The following LCMT1 variants were observed in gnomAD, a reference collection of about 807,000 sequenced individuals.
LCMT1 encodes leucine carboxyl methyltransferase 1, also known as [Phosphatase 2A protein]-leucine-carboxy methyltransferase 1.
A neutral mutation model predicts 47.7 loss-of-function variants in LCMT1; 32 were observed. That is an observed-to-expected ratio of 0.67 (90% confidence interval 0.51 to 0.90). The LOEUF is 0.90. LCMT1 is among the 40% of genes least tolerant of loss of function. The pLI, the probability that LCMT1 is intolerant of heterozygous loss-of-function variation, is 0.00. For missense variants in LCMT1, 375 were observed against 415.2 expected, an observed-to-expected ratio of 0.90 and a Z score of 0.84; for synonymous variants, 152 against 149.7, an observed-to-expected ratio of 1.02 and a Z score of -0.11.
At chr16:25,116,403 T>A (rs1463556306) in intron 1 of LCMT1, among the ~76,000 whole-genome samples, 1 of 152,216 alleles carries the variant, frequency 6.6e-6, no homozygotes, top group Non-Finnish European at 1.5e-5. Flanking sequence ...GACAAAATGA[T>A]GAGGTGGTCT....
chr16:25,111,907 C>T lies in LCMT1; in HGVS notation c.24C>T (p.Ser8=). MATRQRE[S]SITSCCSTSS... ...CCATGGCCACTAGGCAGAGGGAATC[C>T]TCTATCACCTCCTGCTGTTCCACCT... Residue 8 remains serine (S), a synonymous_variant, in exon 1 of 11, where the codon TCC becomes TCT. Coordinates refer to ENST00000399069, the MANE Select transcript of LCMT1 (RefSeq NM_016309.3). 1 of 1,613,110 alleles carries T rather than the reference C, an allele frequency of 6.2e-7. No individual in the cohort carries two copies. The highest frequency in any genetic ancestry group is 8.5e-7 in the Non-Finnish European group (1 of 1,179,434).
intron 4 of LCMT1, among the ~76,000 whole-genome samples, chr16:25,150,656 GT>G (rs1459923461): frequency 6.6e-6 from 1 of 151,910 alleles, no homozygotes; most frequent in Non-Finnish European, 1.5e-5. Context: ...CATCTTAATA[GT>G]TTTAACTACA....
At chr16:25,117,771 G>C (rs1251804669) in intron 1 of LCMT1, among the ~76,000 whole-genome samples, 1 of 151,690 alleles carries the variant, frequency 6.6e-6, no homozygotes, top group Non-Finnish European at 1.5e-5. Context: ...AGAATCGCTT[G>C]AACTGGGGAA....
intron 10 of LCMT1, among the ~76,000 whole-genome samples, chr16:25,175,977 A>T (rs1279270089): frequency 1.3e-5 from 2 of 152,174 alleles, no homozygotes; most frequent in Non-Finnish European, 2.9e-5. Flanking sequence ...AATCTCTAGA[A>T]AAGTAACCGG....
At position 25,116,717 on chromosome 16, in the gene LCMT1, C is replaced by CAAAA. The variant is rs61022139; in HGVS notation, c.113+4736_113+4739dup. On this transcript the variant is annotated intron_variant, in intron 1 of 10. Coordinates refer to ENST00000399069, the MANE Select transcript of LCMT1 (RefSeq NM_016309.3). ...GCAACATGGAGAAACCTCCTCTCCA[C>CAAAA]AAAAAAAAAAAAAAAAAATACAAAA... Among the ~76,000 whole-genome samples, 398 of 63,498 alleles carry CAAAA rather than the reference C, an allele frequency of 6.3e-3. 2 individuals are homozygous for CAAAA. Among genetic ancestry groups the CAAAA allele is most frequent in the African/African-American group, 0.02 (379 of 19,056 alleles). 41.7% of individuals were successfully genotyped at this position (63,498 alleles called of 152,430 possible).
At chr16:25,163,243 C>T (rs992839784) in intron 6 of LCMT1, among the ~76,000 whole-genome samples, 2 of 152,076 alleles carry the variant, frequency 1.3e-5, no homozygotes, top group Non-Finnish European at 2.9e-5. Context: ...CCAAGATGGG[C>T]GGATCACGAG....
At chr16:25,151,727 T>TGTGGTGG (rs1452882723) in intron 5 of LCMT1, 112 bp downstream of exon 5, 2 of 154,636 alleles carry the variant, frequency 1.3e-5, no homozygotes, top group African/African-American at 5.2e-5. Context: ...GTGTGTGGTG[T>TGTGGTGG]TATACAATGT....
At position 25,132,542 on chromosome 16, in the gene LCMT1, C is replaced by T. The variant is rs755127590; in HGVS notation, c.327+19C>T. Reference sequence around the variant, plus strand: ...ATTAAAGGTATGTTCAAATTCCCCTCCTCCCTCCCCAAGTGTTTAGATTTT... The same window carrying T: ...ATTAAAGGTATGTTCAAATTCCCCTTCTCCCTCCCCAAGTGTTTAGATTTT... On this transcript the variant is annotated intron_variant, in intron 3 of 10. Transcript: ENST00000399069. The T allele has an allele frequency of 3.7e-6, 6 of 1,611,324 alleles. No homozygotes were observed. Among genetic ancestry groups the T allele is most frequent in the South Asian group, 1.1e-5 (1 of 90,580 alleles).
intron 6 of LCMT1, among the ~76,000 whole-genome samples, chr16:25,161,946 C>G (rs1196628136): frequency 6.6e-6 from 1 of 152,042 alleles, no homozygotes; most frequent in Non-Finnish European, 1.5e-5. Flanking sequence ...TTTACTGTCA[C>G]CAAGTTGGCA....
chr16:25,154,402 G>A (rs570914512), intron 5 of LCMT1, among the ~76,000 whole-genome samples: 7 of 150,558 alleles, frequency 4.6e-5, no homozygotes, highest in Non-Finnish European at 1.0e-4. Context: ...GGGACCTCTT[G>A]TAAATTTTTT....
chr16:25,120,959 C>T (rs1209230817), intron 1 of LCMT1, among the ~76,000 whole-genome samples: 6 of 142,498 alleles, frequency 4.2e-5, no homozygotes, highest in Non-Finnish European at 9.1e-5. Flanking sequence ...GGGGTTTTGC[C>T]GTGTTGCCTA....
chr16:25,148,070 A>C (rs1297946626), intron 4 of LCMT1: 1 of 152,368 alleles, frequency 6.6e-6, no homozygotes, highest in African/African-American at 2.4e-5. Flanking sequence ...CACAGGTGTC[A>C]GGCGACGAAA....
intron 3 of LCMT1, 68 bp downstream of exon 3, chr16:25,132,591 C>T (rs377347014): frequency 1.8e-5 from 27 of 1,525,472 alleles, no homozygotes; most frequent in South Asian, 2.4e-5. Context: ...TCACCTAATT[C>T]GAAATGTAAA....
chr16:25,148,737 C>CGAGTTTCA (rs1960960967), intron 4 of LCMT1: 1 of 152,232 alleles, frequency 6.6e-6, no homozygotes, highest in Non-Finnish European at 1.5e-5. Flanking sequence ...ACTCGCCAGT[C>CGAGTTTCA]GCGGTGGCAG....
chr16:25,120,752 G>GT (rs377043606), intron 1 of LCMT1, among the ~76,000 whole-genome samples: 5,916 of 114,368 alleles, frequency 0.052, 201 homozygotes, highest in Non-Finnish European at 0.077. Context: ...TTTTTTTTTT[G>GT]TTTTTTTTTT....
chr16:25,154,319 A>G (rs1168863868), intron 5 of LCMT1, among the ~76,000 whole-genome samples: 3 of 151,096 alleles, frequency 2.0e-5, no homozygotes, highest in African/African-American at 4.9e-5. Context: ...CTGATGCCCT[A>G]TTATTTAAAA....
rs960190641 is a variant in LCMT1, at chr16:25,111,760, C to T, written c.-124C>T. 3.0e-6 allele frequency: 2 copies of T among 656,660 alleles called. No individual in the cohort carries two copies. Among genetic ancestry groups the T allele is most frequent in the Admixed American group, 5.3e-5 (2 of 37,480 alleles). 40.7% of individuals were successfully genotyped at this position (656,660 alleles called of 1,614,324 possible). A position where few individuals can be genotyped will look rare whatever the true frequency, so the allele number is the denominator to read the frequency against. On this transcript the variant is annotated 5_prime_UTR_variant, in exon 1 of 11. Coordinates refer to ENST00000399069, the MANE Select transcript of LCMT1 (RefSeq NM_016309.3). ...GGGCGGCGTCACTGAGCCGCGCCAG[C>T]TGAGCCAGGTAGGGCCCTACCCTCT...
At chr16:25,127,860 TA>T (rs1176974631) in intron 1 of LCMT1, among the ~76,000 whole-genome samples, 1 of 134,846 alleles carries the variant, frequency 7.4e-6, no homozygotes, top group Non-Finnish European at 1.6e-5. Flanking sequence ...CTTCCTGTGC[TA>T]GATGAAGCCT....
At chr16:25,151,222 T>C (rs1297676758) in intron 4 of LCMT1, among the ~76,000 whole-genome samples, 5 of 152,184 alleles carry the variant, frequency 3.3e-5, no homozygotes, top group African/African-American at 4.8e-5. Context: ...CAAAAAAACA[T>C]TGGAACATTT....
Sources: gnomAD v4.1 joint callset for allele counts (sites outside exome capture counted in the v4.1 genomes callset) on GRCh38, gnomAD v4.1.1 for gene constraint, MANE v1.5 for transcripts, NCBI Gene and HGNC (gene_info 2026-07-23, HGNC 2026-07-21) for gene names.